GRB10: variants seen among roughly 807,000 people sequenced by gnomAD.
The protein encoded by GRB10 is growth factor receptor bound protein 10.
GRB10 carries 20 observed loss-of-function variants against 80.9 expected under a neutral mutation model. The observed-to-expected ratio is 0.25, with a 90% CI of 0.17 to 0.36. The LOEUF is 0.36. Ranked by LOEUF, GRB10 falls within the 10% of genes least tolerant of loss-of-function variation. The pLI is 1.00. For missense variants in GRB10, 548 were observed against 747.7 expected, an observed-to-expected ratio of 0.73 and a Z score of 3.12; for synonymous variants, 291 against 291.5, an observed-to-expected ratio of 1.00 and a Z score of 0.02.
In GRB10 at chr7:50,757,011, A is replaced by C. The variant is rs2075177680; in HGVS notation, c.-216-955T>G. Among the ~76,000 whole-genome samples, 3 of 152,104 alleles carry C rather than the reference A, an allele frequency of 2.0e-5. No homozygotes were observed. In the South Asian group the frequency reaches 6.2e-4, roughly 31 times the overall value. ...CCCTCCATGGAAGAGTCAGAAGCTA[A>C]ATTTTCCTAATTGTTAAACGGTGAA... On this transcript the variant is annotated intron_variant, in intron 2 of 18. Transcript: ENST00000401949.
At chr7:50,766,382 G>C (rs143099535) in intron 2 of GRB10, among the ~76,000 whole-genome samples, 60 of 152,194 alleles carry the variant, frequency 3.9e-4, no homozygotes, top group African/African-American at 1.3e-3. Flanking sequence ...GCAGCTTCTG[G>C]AAATACTGAA....
At chr7:50,704,487 T>C (rs2064757123) in intron 4 of GRB10, among the ~76,000 whole-genome samples, 1 of 152,148 alleles carries the variant, frequency 6.6e-6, no homozygotes, top group South Asian at 2.1e-4. Flanking sequence ...AAAGATACAT[T>C]CAAATGTGGG....
In GRB10 at chr7:50,669,616, C is replaced by T. The variant is rs1012578243; in HGVS notation, c.504+106G>A. The T allele has an allele frequency of 7.5e-5, 83 of 1,109,106 alleles. 1 individual carries two copies. In the South Asian group the frequency reaches 9.0e-4, roughly 12 times the overall value. The allele number at this position is 1,109,106 out of a possible 1,614,324, so 68.7% of individuals were successfully genotyped here. ...AGAAAAGAACTGAGAGAGAAGATCC[C>T]AGGACTTCCCGCCCTTCTTCCCAAA... On this transcript the variant is annotated intron_variant, in intron 7 of 18. Coordinates refer to ENST00000401949, the MANE Select transcript of GRB10 (RefSeq NM_001350814.2).
At chr7:50,649,014 G>T (rs1013750355) in intron 7 of GRB10, among the ~76,000 whole-genome samples, 3 of 152,106 alleles carry the variant, frequency 2.0e-5, no homozygotes, top group Non-Finnish European at 2.9e-5. Flanking sequence ...GGGGAGCTGG[G>T]TTCTGATCCT....
At chr7:50,703,736 C>A in intron 5 of GRB10, 85 bp downstream of exon 5, 1 of 965,522 alleles carries the variant, frequency 1.0e-6, no homozygotes. Context: ...CTATTAGTGT[C>A]AAGAGCAACA....
At chr7:50,650,191 AG>A (rs1383950843) in intron 7 of GRB10, among the ~76,000 whole-genome samples, 1 of 152,244 alleles carries the variant, frequency 6.6e-6, no homozygotes, top group African/African-American at 2.4e-5. Flanking sequence ...GCAAGTTTCT[AG>A]GAATCAAAGC....
At chr7:50,757,551 T>C (rs537763021) in intron 2 of GRB10, among the ~76,000 whole-genome samples, 124 of 152,370 alleles carry the variant, frequency 8.1e-4, no homozygotes, top group African/African-American at 2.9e-3. Flanking sequence ...CACCTGCCTA[T>C]GCAAAAGCAT....
chr7:50,675,421 G>A (rs2060825235), intron 5 of GRB10, among the ~76,000 whole-genome samples: 1 of 152,246 alleles, frequency 6.6e-6, no homozygotes, highest in South Asian at 2.1e-4. Context: ...CAACTTGGCT[G>A]GGCCATGGTG....
At chr7:50,715,170 G>A (rs2066652399) in intron 4 of GRB10, among the ~76,000 whole-genome samples, 1 of 151,484 alleles carries the variant, frequency 6.6e-6, no homozygotes, top group Admixed American at 6.6e-5. Context: ...GCTAGGTCTG[G>A]CCTGGAGCTC....
intron 7 of GRB10, among the ~76,000 whole-genome samples, chr7:50,636,087 T>A (rs1258532351): frequency 6.6e-6 from 1 of 150,590 alleles, no homozygotes; most frequent in Non-Finnish European, 1.5e-5. Flanking sequence ...AAGTGATTCT[T>A]CTGCCTCAGC....
chr7:50,754,822 A>G, intron 3 of GRB10, among the ~76,000 whole-genome samples: 1 of 152,074 alleles, frequency 6.6e-6, no homozygotes, highest in Admixed American at 6.6e-5. Flanking sequence ...AACCCCCAGC[A>G]CTTCAGAATG....
chr7:50,722,603 C>G (rs1328343124), intron 4 of GRB10, among the ~76,000 whole-genome samples: 1 of 152,124 alleles, frequency 6.6e-6, no homozygotes, highest in African/African-American at 2.4e-5. Flanking sequence ...GAAGAGGTGA[C>G]AGAACCAGTG....
Position 50,689,816 on chromosome 7 carries a change from G to GT in GRB10, c.139+14004dup, listed in dbSNP as rs1246265025. 1.6e-3 allele frequency among the ~76,000 whole-genome samples: 237 copies of GT among 146,440 alleles called. 1 individual carries two copies. The highest frequency in any genetic ancestry group is 5.9e-3 in the East Asian group (30 of 5,080). ...TACATTCTGTAGCAAATGACAGAGG[G>GT]TTTTTTTTTTTATTTTTTACTTGTA... On this transcript the variant is annotated intron_variant, in intron 5 of 18. Coordinates refer to ENST00000401949, the MANE Select transcript of GRB10 (RefSeq NM_001350814.2).
chr7:50,629,883 G>A (rs1202458847), intron 7 of GRB10, among the ~76,000 whole-genome samples: 1 of 152,230 alleles, frequency 6.6e-6, no homozygotes, highest in Non-Finnish European at 1.5e-5. Context: ...TCTCACACGA[G>A]GTGGGCCTAG....
intron 3 of GRB10, among the ~76,000 whole-genome samples, chr7:50,733,294 T>C (rs1191474687): frequency 6.6e-6 from 1 of 152,090 alleles, no homozygotes. Context: ...ACTTCCAATA[T>C]CCAGACTGCG....
exon 1 of GRB10, chr7:50,793,259 TGCGGGCGAC>T (rs1452844309): frequency 1.4e-5 from 2 of 140,834 alleles, no homozygotes; most frequent in Non-Finnish European, 3.1e-5. Flanking sequence ...TCCGCGTGGC[TGCGGGCGAC>T]ACTCGGCGTG....
chr7:50,718,142 T>C (rs2067171826), intron 4 of GRB10, among the ~76,000 whole-genome samples: 1 of 152,098 alleles, frequency 6.6e-6, no homozygotes, highest in Non-Finnish European at 1.5e-5. Context: ...TGCGGAACTG[T>C]GTCCAGCAGG....
chr7:50,713,118 A>G (rs748681930), intron 4 of GRB10, among the ~76,000 whole-genome samples: 3 of 152,212 alleles, frequency 2.0e-5, no homozygotes, highest in African/African-American at 7.2e-5. Context: ...TTTCTACAGA[A>G]GAGTAGCTAC....
intron 3 of GRB10, among the ~76,000 whole-genome samples, chr7:50,745,474 AGAGGG>A (rs1468032302): frequency 2.6e-5 from 4 of 152,234 alleles, no homozygotes; most frequent in Non-Finnish European, 4.4e-5. Flanking sequence ...ATTAAGACAA[AGAGGG>A]GAACAATTGC....
Sources: gnomAD v4.1 joint callset for allele counts (sites outside exome capture counted in the v4.1 genomes callset) on GRCh38, gnomAD v4.1.1 for gene constraint, MANE v1.5 for transcripts, NCBI Gene and HGNC (gene_info 2026-07-23, HGNC 2026-07-21) for gene names.